TUBB4A: variants seen among roughly 807,000 people sequenced by gnomAD.
TUBB4A encodes the protein tubulin beta-4A chain.
TUBB4A carries 13 observed loss-of-function variants against 35.1 expected under a neutral mutation model. That is an observed-to-expected ratio of 0.37 (90% confidence interval 0.24 to 0.59). The LOEUF is 0.59. Ranked by LOEUF, TUBB4A falls within the 20% of genes least tolerant of loss-of-function variation. The probability of loss-of-function intolerance (pLI) is 0.71; values close to 1 mark genes in which losing one functional copy is unlikely to be tolerated. For missense variants in TUBB4A, 299 were observed against 647.2 expected (o/e 0.46, Z 5.84); for synonymous variants, 279 against 272.4 (o/e 1.02, Z -0.24).
In TUBB4A at chr19:6,494,469, G is replaced by C. The variant is rs1284677177; in HGVS notation, c.*695C>G. 1 of 153,500 alleles carries C rather than the reference G, an allele frequency of 6.5e-6. No individual in the cohort carries two copies. Among genetic ancestry groups the C allele is most frequent in the African/African-American group, 2.4e-5 (1 of 41,356 alleles). 9.5% of individuals were successfully genotyped at this position (153,500 alleles called of 1,614,324 possible). On this transcript the variant is annotated 3_prime_UTR_variant, in exon 4 of 4. Transcript: ENST00000264071. ...GGGGCTGAGGGGAGTGAGGCAGGGA[G>C]GATGCATGGGGCCTGTGGGAATCAG...
chr19:6,498,482 T>C (rs1169868151), intron 3 of TUBB4A, among the ~76,000 whole-genome samples: 10 of 152,108 alleles, frequency 6.6e-5, no homozygotes, highest in Admixed American at 6.6e-4. Context: ...CCCACCTACC[T>C]TGGGGTCAAA....
At position 6,497,916 on chromosome 19, in the gene TUBB4A, A is replaced by AG. The variant is rs1450536222; in HGVS notation, c.278-1696_278-1695insC. On this transcript the variant is annotated intron_variant, in intron 3 of 3. Coordinates refer to ENST00000264071, the MANE Select transcript of TUBB4A (RefSeq NM_006087.4). ...TCCGTCTCAAAAAAAAAAAAAAAAA[A>AG]AAAGAAGAATATTGGCCAGGCGTGG... Among the ~76,000 whole-genome samples, 154 of 136,514 alleles carry AG rather than the reference A, an allele frequency of 1.1e-3. 1 individual carries two copies. The highest frequency in any genetic ancestry group is 4.1e-3 in the African/African-American group (148 of 36,438). 89.6% of individuals were successfully genotyped at this position (136,514 alleles called of 152,430 possible).
Position 6,496,625 on chromosome 19 carries a change from C to T in TUBB4A, c.278-404G>A, listed in dbSNP as rs777451481. 1.3e-4 allele frequency among the ~76,000 whole-genome samples: 16 copies of T among 125,284 alleles called. No homozygotes were observed. The East Asian group carries it at 2.5e-3, about 19-fold the overall frequency. The allele number at this position is 125,284 out of a possible 152,430, so 82.2% of individuals were successfully genotyped here. On this transcript the variant is annotated intron_variant, in intron 3 of 3. Transcript: ENST00000264071. The stretch of plus-strand genomic sequence containing the variant: ...CAGCCTGGGCAACAGAGCGAGACTC[C>T]GTCTCAAAATAATAATAATAATAAT...
chr19:6,496,445 C>T (rs536683350), intron 3 of TUBB4A: 28 of 456,716 alleles, frequency 6.1e-5, no homozygotes, highest in South Asian at 1.1e-4. Flanking sequence ...CTGGCTAACA[C>T]GGTGAAACCC....
intron 3 of TUBB4A, among the ~76,000 whole-genome samples, chr19:6,499,808 T>G (rs1914446259): frequency 6.6e-6 from 1 of 152,166 alleles, no homozygotes; most frequent in African/African-American, 2.4e-5. Flanking sequence ...ATTTTTTTTT[T>G]TTTTTGGAGA....
chr19:6,502,122 G>C, intron 1 of TUBB4A, 34 bp downstream of exon 1: 1 of 1,538,086 alleles, frequency 6.5e-7, no homozygotes. Context: ...CCCCGGGGCC[G>C]CCACTGCCTC....
At position 6,495,962 on chromosome 19, in the gene TUBB4A, C is replaced by T; in HGVS notation, c.537G>A (p.Val179=). Residue 179 remains valine (V), a synonymous_variant, in exon 4 of 4, where the codon GTG becomes GTA. Transcript: ENST00000264071. This position sits in a 1 kb window ranked among gnomAD's most constrained non-coding sequence, Gnocchi z 8.7. ...VVPSPKVSDT[V]VEPYNATLSV... Reference sequence around the variant, plus strand: ...ACAGCGTGGCGTTGTAGGGCTCCACCACCGTGTCTGACACTTTGGGCGAGG... The same window carrying T: ...ACAGCGTGGCGTTGTAGGGCTCCACTACCGTGTCTGACACTTTGGGCGAGG... 5 of 1,614,214 alleles carry T rather than the reference C, an allele frequency of 3.1e-6. No homozygotes were observed. In the South Asian group the frequency reaches 4.4e-5, roughly 14 times the overall value.
In TUBB4A at chr19:6,495,120, G is replaced by A. The variant is rs749214719; in HGVS notation, c.*44C>T. 1.2e-6 allele frequency: 2 copies of A among 1,604,944 alleles called. No individual in the cohort carries two copies. Among genetic ancestry groups the A allele is most frequent in the South Asian group, 1.1e-5 (1 of 90,088 alleles). On this transcript the variant is annotated 3_prime_UTR_variant, in exon 4 of 4. Transcript: ENST00000264071. The surrounding 1 kb of genome is among the most constrained non-coding windows in gnomAD (Gnocchi z 8.7). The stretch of plus-strand genomic sequence containing the variant: ...GAGATGGGGGGCCTAGCGGATCAAA[G>A]GTCAGAAGCCTCGAGGGGACAGGTG...
chr19:6,495,209 G>C lies in TUBB4A; in HGVS notation c.1290C>G (p.Ala430=). The change falls in exon 4 of 4, where the codon GCC becomes GCG. Residue 430 remains alanine (A), a synonymous_variant. Transcript: ENST00000264071. The surrounding 1 kb of genome is among the most constrained non-coding windows in gnomAD (Gnocchi z 8.7). ...SEYQQYQDAT[A]EEGEFEEEAE... is the part of the protein sequence containing the mutation. ...CCTCCTCCTCGAACTCGCCCTCCTC[G>C]GCCGTGGCGTCCTGGTACTGCTGGT... 6 of 1,613,914 alleles carry C rather than the reference G, an allele frequency of 3.7e-6. No homozygotes were observed. The highest frequency in any genetic ancestry group is 5.1e-6 in the Non-Finnish European group (6 of 1,179,882).
upstream of TUBB4A, chr19:6,502,460 C>A: frequency 1.3e-5 from 6 of 478,862 alleles, no homozygotes; most frequent in South Asian, 1.6e-4. Flanking sequence ...CCCCAGGGGG[C>A]CTCCCAGAGA....
chr19:6,494,717 C>A lies in TUBB4A; in HGVS notation c.*447G>T, dbSNP rs1403589778. ...TTGGGGTCAGAGGTAGGAGCTGGGG[C>A]TCAGGTGGGGGGTTAAAGGTGAGGC... On this transcript the variant is annotated 3_prime_UTR_variant, in exon 4 of 4. Coordinates refer to ENST00000264071, the MANE Select transcript of TUBB4A (RefSeq NM_006087.4). The A allele has an allele frequency of 1.6e-5, 3 of 189,548 alleles. No homozygotes were observed. The highest frequency in any genetic ancestry group is 1.3e-4 in the East Asian group (1 of 7,712). 11.7% of individuals were successfully genotyped at this position (189,548 alleles called of 1,614,324 possible). A position where few individuals can be genotyped will look rare whatever the true frequency, so the allele number is the denominator to read the frequency against.
In TUBB4A at chr19:6,496,117, C is replaced by T. The variant is rs778138515; in HGVS notation, c.382G>A (p.Asp128Asn). Residue 128 changes from aspartate to asparagine, a missense_variant, in exon 4 of 4, where the codon GAC becomes AAC. Around this residue, in one of 5 missense-constraint regions of TUBB4A, gnomAD observed 123 missense variants for 226.0 expected, o/e 0.54. Transcript: ENST00000264071. ...DVVRKEAESCDCLQGFQLTHS... is the reference protein window; with the variant it reads ...DVVRKEAESCNCLQGFQLTHS... ...GTCAGCTGGAAGCCCTGAAGGCAGT[C>T]GCAGCTCTCGGCCTCCTTCCGGACT... 8.7e-6 allele frequency: 14 copies of T among 1,614,062 alleles called. No individual in the cohort carries two copies. Among genetic ancestry groups the T allele is most frequent in the East Asian group, 2.2e-5 (1 of 44,894 alleles).
rs778943389 is a variant in TUBB4A at position 6,496,230 on chromosome 19, G to GGAAGGGGAGGGGA, written c.278-22_278-10dup. ...GCCGGCTCCGGATTGGCCTAGAGAG[G>GGAAGGGGAGGGGA]GAAGGGGAGGGGACACACATGCAGT... On this transcript the variant is annotated splice_polypyrimidine_tract_variant and intron_variant, in intron 3 of 3. Coordinates refer to ENST00000264071, the MANE Select transcript of TUBB4A (RefSeq NM_006087.4). 1.3e-6 allele frequency: 2 copies of GGAAGGGGAGGGGA among 1,598,638 alleles called. No individual in the cohort carries two copies. Among genetic ancestry groups the GGAAGGGGAGGGGA allele is most frequent in the Admixed American group, 3.4e-5 (2 of 59,308 alleles).
intron 3 of TUBB4A, chr19:6,500,851 C>T (rs1306300331): frequency 1.2e-5 from 2 of 162,514 alleles, no homozygotes; most frequent in Non-Finnish European, 2.7e-5. Context: ...TATTTATCTC[C>T]TTTGTGGCCT....
At chr19:6,497,379 A>T (rs1914299022) in intron 3 of TUBB4A, among the ~76,000 whole-genome samples, 1 of 151,544 alleles carries the variant, frequency 6.6e-6, no homozygotes. Flanking sequence ...CTCCTGCCCC[A>T]GCCTTTTGAG....
rs1471550580 is a variant in TUBB4A at position 6,494,941 on chromosome 19, AG to A, written c.*222del. The A allele has an allele frequency of 4.9e-6, 3 of 608,846 alleles. No individual in the cohort carries two copies. The highest frequency in any genetic ancestry group is 1.9e-5 in the African/African-American group (1 of 53,938). 37.7% of individuals were successfully genotyped at this position (608,846 alleles called of 1,614,324 possible). A position where few individuals can be genotyped will look rare whatever the true frequency, so the allele number is the denominator to read the frequency against. The stretch of plus-strand genomic sequence containing the variant: ...AGCGGGGCTCCTCCTGGGAATGTCA[AG>A]GTTGGAAGAGCTCAAGGGGGTTAAA... On this transcript the variant is annotated 3_prime_UTR_variant, in exon 4 of 4. Coordinates refer to ENST00000264071, the MANE Select transcript of TUBB4A (RefSeq NM_006087.4).
rs1599414391 is a variant in TUBB4A at position 6,501,326 on chromosome 19, G to A, written c.238C>T (p.Pro80Ser). ...TCCGGCCGAAAGATCTGACCGAAGG[G>A]GCCAGAACGGACAGAGTCCATGGTG... is the stretch of plus-strand genomic sequence containing the variant. ...PGTMDSVRSG[P>S]FGQIFRPDNF... The change falls in exon 3 of 4, where the codon CCC becomes TCC. Residue 80 changes from proline to serine, a missense_variant. Pro to Ser is a moderately conservative substitution (Grantham distance 74). Coordinates refer to ENST00000264071, the MANE Select transcript of TUBB4A (RefSeq NM_006087.4). The surrounding 1 kb of genome is among the most constrained non-coding windows in gnomAD (Gnocchi z 4.2). 6.2e-7 allele frequency: 1 copy of A among 1,614,114 alleles called. No individual in the cohort carries two copies. Among genetic ancestry groups the A allele is most frequent in the Non-Finnish European group, 8.5e-7 (1 of 1,180,004 alleles).
At chr19:6,498,840 G>T (rs1178951850) in intron 3 of TUBB4A, among the ~76,000 whole-genome samples, 4 of 152,238 alleles carry the variant, frequency 2.6e-5, no homozygotes, top group Non-Finnish European at 5.9e-5. Context: ...TCTGTTGGAA[G>T]ATTTCAAAAC....
chr19:6,502,139 C>T lies in TUBB4A; in HGVS notation c.57+17G>A. Reference sequence around the variant, plus strand: ...CCGGGGCCGCCACTGCCTCCCCGGGCCCCGTTCCCCGAGCACCTTGGCCCC... The same window carrying T: ...CCGGGGCCGCCACTGCCTCCCCGGGTCCCGTTCCCCGAGCACCTTGGCCCC... On this transcript the variant is annotated intron_variant, in intron 1 of 3. Coordinates refer to ENST00000264071, the MANE Select transcript of TUBB4A (RefSeq NM_006087.4). 5.1e-6 allele frequency: 8 copies of T among 1,558,338 alleles called. No homozygotes were observed. Among genetic ancestry groups the T allele is most frequent in the Non-Finnish European group, 6.9e-6 (8 of 1,160,934 alleles).
Sources: allele counts gnomAD v4.1 joint callset (sites outside exome capture counted in the v4.1 genomes callset), GRCh38; gene constraint gnomAD v4.1.1; regional missense constraint gnomAD v4.1.1; non-coding constraint Gnocchi (gnomAD v3.1); transcripts MANE v1.5; gene names NCBI Gene and HGNC (gene_info 2026-07-23, HGNC 2026-07-21).